Variants in MCCC1 observed in about 807,000 individuals in gnomAD.
MCCC1 encodes methylcrotonoyl-CoA carboxylase subunit alpha, mitochondrial.
Under a neutral mutation model 83.8 loss-of-function variants are expected in MCCC1, and 64 were observed. That is an observed-to-expected ratio of 0.76 (90% CI 0.62 to 0.94). The LOEUF is 0.94. MCCC1 is among the 40% of genes least tolerant of loss of function. The pLI, the probability that MCCC1 is intolerant of heterozygous loss-of-function variation, is 0.00. For missense variants in MCCC1, 807 were observed against 904.7 expected, an observed-to-expected ratio of 0.89 and a Z score of 1.39; for synonymous variants, 322 against 315.4, an observed-to-expected ratio of 1.02 and a Z score of -0.22.
chr3:183,077,904 C>T (rs1263025011), intron 4 of MCCC1, among the ~76,000 whole-genome samples: 2 of 152,140 alleles, frequency 1.3e-5, no homozygotes, highest in Admixed American at 6.6e-5. Flanking sequence ...ATTACTTTAG[C>T]ACCTTTATTC....
chr3:183,065,638 T>TC (rs1373237315), intron 7 of MCCC1, among the ~76,000 whole-genome samples: 2 of 151,702 alleles, frequency 1.3e-5, no homozygotes, highest in Non-Finnish European at 2.9e-5. Context: ...TGTGGATTTT[T>TC]TTTGTCTAGA....
chr3:183,074,246 T>A (rs763096307), intron 4 of MCCC1, among the ~76,000 whole-genome samples: 132 of 152,194 alleles, frequency 8.7e-4, no homozygotes, highest in Admixed American at 5.2e-4. Context: ...TCCAGTGTAC[T>A]CAGAATTTTA....
At chr3:183,060,821 G>A (rs992703844) in intron 7 of MCCC1, among the ~76,000 whole-genome samples, 14 of 36,070 alleles carry the variant, frequency 3.9e-4, no homozygotes, top group South Asian at 3.5e-3. Flanking sequence ...GAGAACATGC[G>A]GTGTTCCGTT....
At chr3:183,114,164 C>T (rs1375462528) in intron 1 of MCCC1, among the ~76,000 whole-genome samples, 1 of 152,190 alleles carries the variant, frequency 6.6e-6, no homozygotes, top group Non-Finnish European at 1.5e-5. Context: ...ATTGATAACG[C>T]CCAAAGCCCT....
intron 16 of MCCC1, 51 bp downstream of exon 16, chr3:183,022,366 A>G (rs375064130): frequency 5.6e-6 from 9 of 1,601,794 alleles, no homozygotes; most frequent in Non-Finnish European, 7.7e-6. Context: ...TCTCTGGTCA[A>G]ACAGTTTTCT....
At chr3:183,027,151 A>G (rs965218686) in intron 14 of MCCC1, among the ~76,000 whole-genome samples, 20 of 152,204 alleles carry the variant, frequency 1.3e-4, no homozygotes, top group African/African-American at 4.3e-4. Flanking sequence ...CGGTGCCTCA[A>G]TCTGCGCCCA....
intron 9 of MCCC1, among the ~76,000 whole-genome samples, chr3:183,047,581 T>C (rs1435606867): frequency 6.6e-6 from 1 of 150,712 alleles, no homozygotes; most frequent in Non-Finnish European, 1.5e-5. Context: ...ATGAAAAAAG[T>C]AGACAACATG....
intron 3 of MCCC1, among the ~76,000 whole-genome samples, chr3:183,087,165 G>A (rs1043139802): frequency 6.6e-6 from 1 of 152,112 alleles, no homozygotes; most frequent in Non-Finnish European, 1.5e-5. Flanking sequence ...TGTGACAGAT[G>A]TACACAAAGA....
At chr3:183,114,315 C>T (rs563504908) in intron 1 of MCCC1, among the ~76,000 whole-genome samples, 22 of 151,854 alleles carry the variant, frequency 1.4e-4, no homozygotes, top group Non-Finnish European at 3.2e-4. Flanking sequence ...CCTTCCTAAA[C>T]CAAGATGTAA....
At chr3:183,039,959 G>T (rs1257055597) in intron 11 of MCCC1, among the ~76,000 whole-genome samples, 1 of 151,854 alleles carries the variant, frequency 6.6e-6, no homozygotes, top group Non-Finnish European at 1.5e-5. Flanking sequence ...AGCCGGGCGT[G>T]GTGGCGGGTG....
At chr3:183,080,811 C>T (rs963603692) in intron 4 of MCCC1, among the ~76,000 whole-genome samples, 1 of 152,190 alleles carries the variant, frequency 6.6e-6, no homozygotes, top group African/African-American at 2.4e-5. Flanking sequence ...CAAGGAGGAG[C>T]AAGTCACAAC....
intron 8 of MCCC1, among the ~76,000 whole-genome samples, 161 bp downstream of exon 8, chr3:183,057,150 C>T (rs1342936417): frequency 6.6e-6 from 1 of 152,184 alleles, no homozygotes. Flanking sequence ...TCCTCATCCC[C>T]AATACCACAG....
At chr3:183,035,742 A>C (rs1012125013) in intron 13 of MCCC1, among the ~76,000 whole-genome samples, 1 of 152,190 alleles carries the variant, frequency 6.6e-6, no homozygotes, top group Non-Finnish European at 1.5e-5. Context: ...AGATTTTTAA[A>C]AATTCTGTTT....
chr3:183,059,620 C>T (rs756008374), intron 7 of MCCC1, among the ~76,000 whole-genome samples: 1 of 152,056 alleles, frequency 6.6e-6, no homozygotes, highest in Non-Finnish European at 1.5e-5. Context: ...TATGTAGATC[C>T]AAGTTTCTGA....
intron 1 of MCCC1, among the ~76,000 whole-genome samples, chr3:183,097,261 A>C (rs1039107458): frequency 1.3e-5 from 2 of 152,030 alleles, no homozygotes; most frequent in Non-Finnish European, 1.5e-5. Flanking sequence ...AAAAAAAAAG[A>C]AGCTGCTTCC....
intron 8 of MCCC1, among the ~76,000 whole-genome samples, chr3:183,054,900 A>C (rs1296973404): frequency 1.3e-5 from 2 of 152,206 alleles, no homozygotes; most frequent in African/African-American, 4.8e-5. Context: ...GAGTACAGTA[A>C]CATGCTGTAT....
intron 16 of MCCC1, among the ~76,000 whole-genome samples, chr3:183,022,080 G>A (rs1043934197): frequency 6.6e-6 from 1 of 152,096 alleles, no homozygotes; most frequent in African/African-American, 2.4e-5. Context: ...GGTGGGTGGG[G>A]AAAAGTGTTC....
Position 183,041,710 on chromosome 3 carries a change from A to G in MCCC1, c.1124T>C (p.Ile375Thr). Residue 375 changes from isoleucine (I) to threonine (T), a missense_variant, in exon 11 of 19, where the codon ATA (isoleucine) becomes ACA (threonine). Transcript: ENST00000265594. ...TTCGAAGGCATGGCCCTGCAGAGTT[A>G]TTTCTTCCTGGCTCAAAGGAATCTT... ...GEKIPLSQEEITLQGHAFEAR... is the reference protein window; with the variant it reads ...GEKIPLSQEETTLQGHAFEAR... 1 of 1,614,122 alleles carries G rather than the reference A, an allele frequency of 6.2e-7. No homozygotes were observed. Among genetic ancestry groups the G allele is most frequent in the Non-Finnish European group, 8.5e-7 (1 of 1,180,030 alleles).
In MCCC1 at chr3:183,045,436, C is replaced by A; in HGVS notation, c.1060G>T (p.Asp354Tyr). The A allele has an allele frequency of 1.9e-6, 3 of 1,614,146 alleles. No homozygotes were observed. The South Asian group carries it at 3.3e-5, about 18-fold the overall frequency. The change falls in exon 10 of 19, where the codon GAC becomes TAC. Residue 354 changes from aspartate to tyrosine, a missense_variant. Transcript: ENST00000265594. ...ACTCTAAGCTGCCACTCCACCAAGT[C>A]AGTTCCTGTGATCATCTCAGTAACA... is the stretch of plus-strand genomic sequence containing the variant. ...HPVTEMITGTDLVEWQLRIAA... is the reference protein window; with the variant it reads ...HPVTEMITGTYLVEWQLRIAA...
Sources: gnomAD v4.1 joint callset for allele counts (sites outside exome capture counted in the v4.1 genomes callset) on GRCh38, gnomAD v4.1.1 for gene constraint, MANE v1.5 for transcripts, NCBI Gene and HGNC (gene_info 2026-07-23, HGNC 2026-07-21) for gene names.